TMEM200A: variants seen among roughly 807,000 people sequenced by gnomAD.
TMEM200A encodes the protein two transmembrane C.
TMEM200A carries 12 observed loss-of-function variants against 24.3 expected under a neutral mutation model. The ratio of observed to expected loss-of-function variants is 0.49; its 90% CI spans 0.32 to 0.80. The LOEUF (loss-of-function observed/expected upper bound fraction) is 0.80. Among genes scored for constraint, TMEM200A ranks in the 30% least tolerant of loss-of-function variants. TMEM200A has a pLI of 0.04. For missense variants in TMEM200A, 545 were observed against 614.4 expected (o/e 0.89, Z 1.19); for synonymous variants, 224 against 224.4 (o/e 1.00, Z 0.02).
intron 2 of TMEM200A, among the ~76,000 whole-genome samples, chr6:130,390,515 G>T (rs1467469862): frequency 6.6e-6 from 1 of 152,226 alleles, no homozygotes; most frequent in Non-Finnish European, 1.5e-5. Flanking sequence ...GACTGCTGAG[G>T]ATTAAATGAT....
chr6:130,432,485 A>G (rs1480930857), intron 2 of TMEM200A, among the ~76,000 whole-genome samples: 4 of 152,212 alleles, frequency 2.6e-5, no homozygotes, highest in Non-Finnish European at 4.4e-5. Flanking sequence ...TTTTGCCACT[A>G]AAATATACAG....
intron 2 of TMEM200A, among the ~76,000 whole-genome samples, chr6:130,400,902 T>A (rs1297427076): frequency 6.6e-6 from 1 of 151,996 alleles, no homozygotes; most frequent in African/African-American, 2.4e-5. Flanking sequence ...CCCACACAGT[T>A]GTTACAGAAG....
chr6:130,366,633 A>C lies in TMEM200A; in HGVS notation c.-81+109A>C, dbSNP rs1338383910. 1.1e-6 allele frequency: 1 copy of C among 917,694 alleles called. No individual in the cohort carries two copies. The allele number at this position is 917,694 out of a possible 1,614,324, so 56.8% of individuals were successfully genotyped here. A position where few individuals can be genotyped will look rare whatever the true frequency, so the allele number is the denominator to read the frequency against. On this transcript the variant is annotated intron_variant, in intron 1 of 2. Transcript: ENST00000296978. The surrounding 1 kb of genome is among the most constrained non-coding windows in gnomAD (Gnocchi z 4.4). The stretch of plus-strand genomic sequence containing the variant: ...TCTGCCCTCCCCTCCCCTCCGCTAC[A>C]GCCTCCAGAGTTAGGTAAACGCTGT...
chr6:130,365,707 G>C (rs1778118823), upstream of TMEM200A: 5 of 985,394 alleles, frequency 5.1e-6, no homozygotes, highest in South Asian at 2.3e-4. Flanking sequence ...AGCCCGGGAA[G>C]AGCGCCTGCA....
At chr6:130,418,230 T>C (rs1254402361) in intron 2 of TMEM200A, among the ~76,000 whole-genome samples, 4 of 152,240 alleles carry the variant, frequency 2.6e-5, no homozygotes, top group African/African-American at 9.6e-5. Context: ...TTGATATTCA[T>C]AATCAAAACA....
chr6:130,412,102 T>C (rs1779344193), intron 2 of TMEM200A, among the ~76,000 whole-genome samples: 1 of 151,924 alleles, frequency 6.6e-6, no homozygotes, highest in South Asian at 2.1e-4. Context: ...CCTTGGCTTT[T>C]TTTTTTTTTT....
chr6:130,413,520 C>T (rs147002555), intron 2 of TMEM200A, among the ~76,000 whole-genome samples: 81 of 152,180 alleles, frequency 5.3e-4, no homozygotes, highest in African/African-American at 1.8e-3. Context: ...CCATCCCCCC[C>T]ACTAGAGATC....
At chr6:130,368,298 G>T (rs1245143882) in intron 1 of TMEM200A, among the ~76,000 whole-genome samples, 1 of 152,086 alleles carries the variant, frequency 6.6e-6, no homozygotes, top group African/African-American at 2.4e-5. Flanking sequence ...TTAGCATAAA[G>T]GAAAGAAATT....
chr6:130,422,180 G>A (rs1779609859), intron 2 of TMEM200A, among the ~76,000 whole-genome samples: 1 of 152,036 alleles, frequency 6.6e-6, no homozygotes, highest in Admixed American at 6.6e-5. Context: ...AGTGTACAAG[G>A]GTTCCCTTTT....
At chr6:130,433,724 C>A (rs903888733) in intron 2 of TMEM200A, among the ~76,000 whole-genome samples, 2 of 152,188 alleles carry the variant, frequency 1.3e-5, no homozygotes. Flanking sequence ...CAGACAGCCT[C>A]ACATTCTGGT....
At chr6:130,431,552 G>T (rs1044519416) in intron 2 of TMEM200A, among the ~76,000 whole-genome samples, 1 of 152,122 alleles carries the variant, frequency 6.6e-6, no homozygotes, top group African/African-American at 2.4e-5. Context: ...ATGTGGGGTG[G>T]AAAGCATATT....
In TMEM200A at chr6:130,366,475, T is replaced by C; in HGVS notation, c.-130T>C. On this transcript the variant is annotated 5_prime_UTR_variant, in exon 1 of 3. Transcript: ENST00000296978. The surrounding 1 kb of genome is among the most constrained non-coding windows in gnomAD (Gnocchi z 4.4). ...ACAGCTCCTGGAGTGAGACCAGGAC[T>C]GAGAACAGGGAGAGGCGACCCGACC... is the stretch of plus-strand genomic sequence containing the variant. 1.0e-6 allele frequency: 1 copy of C among 985,522 alleles called. No homozygotes were observed. Among genetic ancestry groups the C allele is most frequent in the Non-Finnish European group, 1.2e-6 (1 of 830,248 alleles). The allele number at this position is 985,522 out of a possible 1,614,324, so 61.0% of individuals were successfully genotyped here. A position where few individuals can be genotyped will look rare whatever the true frequency, so the allele number is the denominator to read the frequency against.
intron 1 of TMEM200A, chr6:130,381,905 C>T (rs1778606594): frequency 2.0e-6 from 2 of 985,268 alleles, no homozygotes; most frequent in African/African-American, 3.5e-5. Context: ...GACCTGTCTG[C>T]AGCTTCTCTG....
intron 2 of TMEM200A, 130 bp from the exon 3 acceptor site, chr6:130,440,277 C>A: frequency 1.2e-6 from 1 of 864,052 alleles, no homozygotes; most frequent in Non-Finnish European, 1.6e-6. Context: ...AAAAAATATT[C>A]TGCCCCATTT....
intron 2 of TMEM200A, among the ~76,000 whole-genome samples, chr6:130,435,305 G>A (rs1314801124): frequency 6.6e-6 from 1 of 151,990 alleles, no homozygotes; most frequent in African/African-American, 2.4e-5. Context: ...CTTTTAACTT[G>A]GCCTTTGACA....
At chr6:130,367,485 T>C (rs1200769837) in intron 1 of TMEM200A, among the ~76,000 whole-genome samples, 1 of 152,256 alleles carries the variant, frequency 6.6e-6, no homozygotes, top group Non-Finnish European at 1.5e-5. Flanking sequence ...TTACCAGAGC[T>C]TGTGAAAGCT....
intron 2 of TMEM200A, among the ~76,000 whole-genome samples, chr6:130,410,098 T>C (rs1779298203): frequency 6.6e-6 from 1 of 152,202 alleles, no homozygotes; most frequent in African/African-American, 2.4e-5. Context: ...AGTGAATGTG[T>C]TTAAGTTATG....
intron 2 of TMEM200A, among the ~76,000 whole-genome samples, chr6:130,400,231 G>A (rs4895883): frequency 0.25 from 38,247 of 151,806 alleles, 6,034 homozygotes; most frequent in African/African-American, 0.44. Flanking sequence ...TATATTTTTC[G>A]AATAATGACT....
chr6:130,396,397 C>A (rs1439598491), intron 2 of TMEM200A, among the ~76,000 whole-genome samples: 1 of 138,476 alleles, frequency 7.2e-6, no homozygotes, highest in Non-Finnish European at 1.5e-5. Flanking sequence ...AGAATATTTT[C>A]AATTGGTGAG....
Sources: gnomAD v4.1 joint callset for allele counts (sites outside exome capture counted in the v4.1 genomes callset) on GRCh38, gnomAD v4.1.1 for gene constraint, Gnocchi (gnomAD v3.1) non-coding constraint, MANE v1.5 for transcripts, NCBI Gene and HGNC (gene_info 2026-07-23, HGNC 2026-07-21) for gene names.